CDH18: variants seen among roughly 807,000 people sequenced by gnomAD.
CDH18 encodes the protein cadherin-18.
CDH18 carries 31 observed loss-of-function variants against 67.9 expected under a neutral mutation model. The observed-to-expected ratio is 0.46, with a 90% CI of 0.34 to 0.62. The LOEUF is 0.62. Among genes scored for constraint, CDH18 ranks in the 20% least tolerant of loss-of-function variants. The pLI, the probability that CDH18 is intolerant of heterozygous loss-of-function variation, is 0.01. For missense variants in CDH18, 890 were observed against 975.5 expected (o/e 0.91, Z 1.17); for synonymous variants, 362 against 347.2 (o/e 1.04, Z -0.48).
intron 1 of CDH18, among the ~76,000 whole-genome samples, chr5:20,336,667 G>A (rs759599334): frequency 3.3e-5 from 4 of 122,352 alleles, no homozygotes; most frequent in Middle Eastern, 7.0e-3. Context: ...AGCTTCTCAT[G>A]AGCCGAGATC....
intron 1 of CDH18, among the ~76,000 whole-genome samples, chr5:20,561,619 T>C (rs760093890): frequency 6.6e-6 from 1 of 152,038 alleles, no homozygotes; most frequent in Admixed American, 6.6e-5. Flanking sequence ...AGGTCAAGCA[T>C]AGAAGATTTT....
chr5:19,922,507 C>G (rs112929850), intron 2 of CDH18, among the ~76,000 whole-genome samples: 7 of 152,210 alleles, frequency 4.6e-5, no homozygotes, highest in African/African-American at 1.7e-4. Context: ...AATATTATAT[C>G]TTTGATCCTG....
chr5:19,969,667 G>C (rs564892893), intron 2 of CDH18, among the ~76,000 whole-genome samples: 2 of 148,778 alleles, frequency 1.3e-5, no homozygotes, highest in Non-Finnish European at 3.0e-5. Context: ...ACACAGGAAG[G>C]GGAACATCAC....
chr5:19,819,739 G>A (rs1427747478), intron 3 of CDH18, among the ~76,000 whole-genome samples: 1 of 152,150 alleles, frequency 6.6e-6, no homozygotes, highest in Admixed American at 6.5e-5. Context: ...AACCATAAGT[G>A]TCCATCCCCC....
intron 2 of CDH18, among the ~76,000 whole-genome samples, chr5:19,852,372 G>A (rs750537145): frequency 3.6e-4 from 55 of 151,970 alleles, no homozygotes; most frequent in Non-Finnish European, 6.5e-4. Flanking sequence ...TCTCTGAAGT[G>A]TACTTAGTAA....
At chr5:20,441,706 AT>A (rs753557144) in intron 1 of CDH18, among the ~76,000 whole-genome samples, 4 of 151,884 alleles carry the variant, frequency 2.6e-5, no homozygotes, top group South Asian at 4.1e-4. Context: ...ATGAAGCACT[AT>A]TTTTTTATCA....
intron 2 of CDH18, among the ~76,000 whole-genome samples, chr5:20,231,345 C>T (rs973639958): frequency 6.6e-6 from 1 of 152,056 alleles, no homozygotes; most frequent in Non-Finnish European, 1.5e-5. Flanking sequence ...CACATTGGCT[C>T]GTGCCTGTAA....
At chr5:19,831,710 G>T (rs1163320915) in intron 3 of CDH18, among the ~76,000 whole-genome samples, 1 of 151,936 alleles carries the variant, frequency 6.6e-6, no homozygotes, top group Non-Finnish European at 1.5e-5. Context: ...CAAAGAACTA[G>T]AAATAGAACT....
chr5:20,520,096 A>T (rs1245319758), intron 1 of CDH18, among the ~76,000 whole-genome samples: 1 of 150,864 alleles, frequency 6.6e-6, no homozygotes, highest in Non-Finnish European at 1.5e-5. Context: ...CACCACGCCC[A>T]GCAGCAGATG....
intron 11 of CDH18, among the ~76,000 whole-genome samples, chr5:19,490,394 GTTTTTTTTTTTTTTTTTT>G (rs70950073): frequency 1.2e-4 from 7 of 60,210 alleles, no homozygotes; most frequent in African/African-American, 2.7e-4. Context: ...ATAAAAATCT[GTTTTTTTTTTTTTTTTTT>G]TTTTTTTTTT....
At chr5:19,732,825 T>C (rs546614629) in intron 4 of CDH18, among the ~76,000 whole-genome samples, 3 of 152,332 alleles carry the variant, frequency 2.0e-5, no homozygotes, top group East Asian at 1.9e-4. Flanking sequence ...CTGTTTTTTG[T>C]GTGAGAAGTT....
chr5:19,785,679 AATATATATATAT>A (rs869169879), intron 3 of CDH18, among the ~76,000 whole-genome samples: 464 of 27,938 alleles, frequency 0.017, 3 homozygotes, highest in Middle Eastern at 0.071. Flanking sequence ...AAAAAAAAAA[AATATATATATAT>A]ATATATATAT....
chr5:19,934,006 A>C (rs1224691295), intron 2 of CDH18, among the ~76,000 whole-genome samples: 2 of 151,392 alleles, frequency 1.3e-5, no homozygotes, highest in Admixed American at 6.6e-5. Flanking sequence ...GAGCATCTTA[A>C]ATTTTAATAT....
At chr5:20,068,533 G>T (rs1743177542) in intron 2 of CDH18, among the ~76,000 whole-genome samples, 1 of 152,004 alleles carries the variant, frequency 6.6e-6, no homozygotes, top group Admixed American at 6.6e-5. Context: ...AGGAAATCTG[G>T]AATAATGGTA....
At chr5:19,911,116 G>A (rs1282249279) in intron 2 of CDH18, among the ~76,000 whole-genome samples, 2 of 152,108 alleles carry the variant, frequency 1.3e-5, no homozygotes, top group Admixed American at 6.6e-5. Context: ...GAGTTAGGTG[G>A]AGAGGGTAAG....
At chr5:19,533,397 A>C (rs2126999492) in intron 9 of CDH18, among the ~76,000 whole-genome samples, 1 of 151,154 alleles carries the variant, frequency 6.6e-6, no homozygotes, top group East Asian at 1.9e-4. Flanking sequence ...TGGATTTAAA[A>C]CAGCATGGAA....
intron 1 of CDH18, among the ~76,000 whole-genome samples, chr5:20,296,713 A>G (rs1747568016): frequency 6.6e-6 from 1 of 151,814 alleles, no homozygotes; most frequent in Non-Finnish European, 1.5e-5. Context: ...ACTTAATTAT[A>G]TTGTAAAATA....
intron 2 of CDH18, among the ~76,000 whole-genome samples, chr5:19,938,637 T>C (rs532595797): frequency 6.6e-6 from 1 of 151,724 alleles, no homozygotes; most frequent in African/African-American, 2.4e-5. Flanking sequence ...TACTTCATGC[T>C]TTGTTCCTGA....
chr5:20,033,388 C>G (rs1045934797), intron 2 of CDH18, among the ~76,000 whole-genome samples: 3 of 151,930 alleles, frequency 2.0e-5, no homozygotes. Context: ...CTCAACTGTA[C>G]CAAAATGCTC....
Sources: gnomAD v4.1 joint callset for allele counts (sites outside exome capture counted in the v4.1 genomes callset) on GRCh38, gnomAD v4.1.1 for gene constraint, MANE v1.5 for transcripts, NCBI Gene and HGNC (gene_info 2026-07-23, HGNC 2026-07-21) for gene names.